TECPR1: variants seen among roughly 807,000 people sequenced by gnomAD.
TECPR1 encodes tectonin beta-propeller repeat containing 1.
Under a neutral mutation model 162.4 loss-of-function variants are expected in TECPR1, and 122 were observed. The observed-to-expected ratio is 0.75, with a 90% CI of 0.65 to 0.87. The LOEUF is 0.87. Among genes scored for constraint, TECPR1 ranks in the 40% least tolerant of loss-of-function variants. The pLI is 0.00. For missense variants in TECPR1, 1,432 were observed against 1,618.2 expected (o/e 0.88, Z 1.97); for synonymous variants, 642 against 670.6 (o/e 0.96, Z 0.66).
Position 98,246,122 on chromosome 7 carries a change from C to T in TECPR1, c.25G>A (p.Val9Met), listed in dbSNP as rs773629498. 3 of 1,551,062 alleles carry T rather than the reference C, an allele frequency of 1.9e-6. No homozygotes were observed. The highest frequency in any genetic ancestry group is 2.6e-6 in the Non-Finnish European group (3 of 1,147,990). ...GTGTACACTCTCCCGAAGAGGTCCA[C>T]CGCCCACAGCACTGAGTTGGGCATG... Reference protein sequence around the residue: MPNSVLWAVDLFGRVYTLS... With the variant: MPNSVLWAMDLFGRVYTLS... Residue 9 changes from valine to methionine, a missense_variant, in exon 3 of 26, where the codon GTG becomes ATG. Physicochemically the swap from Val to Met is conservative, Grantham distance 21. Coordinates refer to ENST00000447648, the MANE Select transcript of TECPR1 (RefSeq NM_015395.3).
At chr7:98,235,849 A>AAACAAAAAAAAAAAAC (rs1554401446) in intron 10 of TECPR1, among the ~76,000 whole-genome samples, 1 of 110,258 alleles carries the variant, frequency 9.1e-6, no homozygotes, top group Non-Finnish European at 2.1e-5. Context: ...AAAAAAAAAA[A>AAACAAAAAAAAAAAAC]AACACCATCT....
rs534455397 is a variant in TECPR1 at position 98,222,426 on chromosome 7, G to A, written c.3024C>T (p.Ser1008=). Residue 1008 remains serine, a synonymous_variant, in exon 22 of 26, where the codon TCC becomes TCT. Coordinates refer to ENST00000447648, the MANE Select transcript of TECPR1 (RefSeq NM_015395.3). ...YQVWAVARDG[S]AFYRGSVYPS... ...GGTACACGGATCCCCGGTAGAAGGC[G>A]GAGCCGTCCCTTGCCACGGCCCACA... 45 of 1,596,874 alleles carry A rather than the reference G, an allele frequency of 2.8e-5. No individual in the cohort carries two copies. The East Asian group carries it at 5.9e-4, about 21-fold the overall frequency.
At chr7:98,236,970 G>A (rs768102705) in intron 9 of TECPR1, 49 bp from the exon 10 acceptor site, 23 of 1,475,306 alleles carry the variant, frequency 1.6e-5, no homozygotes, top group Non-Finnish European at 2.0e-5. Context: ...AGGCCCGGGG[G>A]CTCTTCTCGC....
At position 98,244,606 on chromosome 7, in the gene TECPR1, A is replaced by G. The variant is rs779368094; in HGVS notation, c.496T>C (p.Tyr166His). Residue 166 changes from tyrosine (Y) to histidine (H), a missense_variant, in exon 5 of 26, where the codon TAC becomes CAC. Tyr to His is a moderately conservative substitution (Grantham distance 83). Transcript: ENST00000447648. Reference sequence around the variant, plus strand: ...ATGTCCCGGGACTTGTATCTCCTGTACCGGATCCACTTCCGGCGCCGCACA... The same window carrying G: ...ATGTCCCGGGACTTGTATCTCCTGTGCCGGATCCACTTCCGGCGCCGCACA... Reference protein sequence around the residue: ...SCVRRRKWIRYRRYKSRDIWA... With the variant: ...SCVRRRKWIRHRRYKSRDIWA... The G allele has an allele frequency of 3.1e-6, 5 of 1,612,866 alleles. No homozygotes were observed. The South Asian group carries it at 3.3e-5, about 11-fold the overall frequency.
chr7:98,222,813 C>T (rs1798176797), intron 21 of TECPR1, 177 bp downstream of exon 21: 2 of 911,542 alleles, frequency 2.2e-6, no homozygotes, highest in South Asian at 1.6e-5. Flanking sequence ...CCACCTCTGT[C>T]ACCCCCGCCC....
chr7:98,244,425 C>T (rs1416424256), intron 5 of TECPR1, 146 bp downstream of exon 5: 13 of 1,058,292 alleles, frequency 1.2e-5, no homozygotes, highest in South Asian at 6.8e-5. Context: ...GTGGTGTTCC[C>T]GGGACAGGAA....
chr7:98,235,184 A>C (rs1235300275), intron 10 of TECPR1, among the ~76,000 whole-genome samples: 1 of 152,194 alleles, frequency 6.6e-6, no homozygotes, highest in Non-Finnish European at 1.5e-5. Context: ...TGGCATCTGT[A>C]GTTTTTGAAG....
intron 10 of TECPR1, among the ~76,000 whole-genome samples, chr7:98,235,827 C>CAAAAA (rs765569294): frequency 2.7e-5 from 1 of 36,678 alleles, no homozygotes; most frequent in African/African-American, 6.8e-5. Flanking sequence ...GAGACTGTCT[C>CAAAAA]AAAAAAAAAA....
chr7:98,223,131 C>A lies in TECPR1; in HGVS notation c.2787G>T (p.Val929=). The A allele has an allele frequency of 6.2e-7, 1 of 1,604,136 alleles. No homozygotes were observed. The highest frequency in any genetic ancestry group is 8.5e-7 in the Non-Finnish European group (1 of 1,175,938). The part of the protein sequence containing the change: ...KLVTSGPWLE[V]PPIALRDVSI... ...ACACGTCCCTGAGGGCGATGGGGGGCACCTCCAGCCAGGGCCCACTGGTCA... is the reference window on the plus strand; with the variant it reads ...ACACGTCCCTGAGGGCGATGGGGGGAACCTCCAGCCAGGGCCCACTGGTCA... Residue 929 remains valine, a synonymous_variant, in exon 21 of 26, where the codon GTG becomes GTT. Transcript: ENST00000447648.
chr7:98,247,937 G>A (rs1798954798), intron 2 of TECPR1, among the ~76,000 whole-genome samples: 1 of 152,060 alleles, frequency 6.6e-6, no homozygotes, highest in Non-Finnish European at 1.5e-5. Flanking sequence ...TGTTGCCCAG[G>A]CTGGTCTTGA....
rs200379049 is a variant in TECPR1 at position 98,225,072 on chromosome 7, G to C, written c.2544C>G (p.Ser848Arg). The stretch of plus-strand genomic sequence containing the variant: ...TGCACTCCTGCAGCCCCGAGGCATC[G>C]CTCCACATGTACCGGTCCGTGGGCA... ...RGLPTDRYMW[S>R]DASGLQECTK... The change falls in exon 18 of 26, where the codon AGC (serine) becomes AGG (arginine). Residue 848 changes from serine to arginine, a missense_variant. Physicochemically the swap from Ser to Arg is moderately radical, Grantham distance 110 (BLOSUM62 -1). Coordinates refer to ENST00000447648, the MANE Select transcript of TECPR1 (RefSeq NM_015395.3). 26 of 1,569,070 alleles carry C rather than the reference G, an allele frequency of 1.7e-5. No homozygotes were observed. Among genetic ancestry groups the C allele is most frequent in the Non-Finnish European group, 2.2e-5 (25 of 1,159,422 alleles).
chr7:98,223,598 G>T, intron 20 of TECPR1, 64 bp downstream of exon 20: 2 of 1,572,444 alleles, frequency 1.3e-6, no homozygotes, highest in Non-Finnish European at 1.7e-6. Context: ...GGGAACCAGA[G>T]CTCCCTCAAG....
At chr7:98,236,049 C>T (rs893933583) in intron 10 of TECPR1, among the ~76,000 whole-genome samples, 2 of 152,120 alleles carry the variant, frequency 1.3e-5, no homozygotes, top group Non-Finnish European at 2.9e-5. Flanking sequence ...GGGCCCTGAG[C>T]GCCATCTCCA....
chr7:98,231,636 AC>A, intron 13 of TECPR1, 167 bp downstream of exon 13: 2 of 242,966 alleles, frequency 8.2e-6, no homozygotes, highest in Non-Finnish European at 1.2e-5. Flanking sequence ...TTCCCCGGGC[AC>A]CCCCATTTCT....
rs560814295 is a variant in TECPR1 at position 98,217,783 on chromosome 7, C to T, written c.3293G>A (p.Gly1098Asp). ...TGTCCCCCGGCTCAGGCTGTGGCTG[C>T]CCTGCACTTTGTTGGCGATCACCCA... ...QVWVIANKVQ[G>D]SHSLSRGTVC... The change falls in exon 25 of 26, where the codon GGC becomes GAC. Residue 1098 changes from glycine to aspartate, a missense_variant. By Grantham distance (94) the Gly-to-Asp change is moderately conservative. Transcript: ENST00000447648. The T allele has an allele frequency of 1.5e-5, 24 of 1,550,946 alleles. No individual in the cohort carries two copies. In the African/African-American group the frequency reaches 2.5e-4, roughly 16 times the overall value.
chr7:98,232,920 G>C lies in TECPR1; in HGVS notation c.1725C>G (p.Thr575=), dbSNP rs764522984. The C allele has an allele frequency of 6.2e-7, 1 of 1,612,812 alleles. No homozygotes were observed. ...MLSLSITPAQ[T]AAWRKQIFQQ... is the part of the protein sequence containing the mutation. ...GGAAGATCTGCTTCCTCCAGGCAGC[G>C]GTCTGGGCCGGCGTGATGGACAGGG... The change falls in exon 12 of 26, where the codon ACC becomes ACG. Residue 575 remains threonine (T), a synonymous_variant. Coordinates refer to ENST00000447648, the MANE Select transcript of TECPR1 (RefSeq NM_015395.3). This position sits in a 1 kb window ranked among gnomAD's most constrained non-coding sequence, Gnocchi z 4.6.
chr7:98,233,443 G>T lies in TECPR1; in HGVS notation c.1650C>A (p.Pro550=). The change falls in exon 11 of 26, where the codon CCC becomes CCA. Residue 550 remains proline, a synonymous_variant. Coordinates refer to ENST00000447648, the MANE Select transcript of TECPR1 (RefSeq NM_015395.3). Reference sequence around the variant, plus strand: ...TACCCGCCTGGACAGTGAACCATCTGGGCATGGCACATGCCTCCACCACGC... The same window carrying T: ...TACCCGCCTGGACAGTGAACCATCTTGGCATGGCACATGCCTCCACCACGC... ...GGCVVEACAM[P]RWFTVQAGLS... is the part of the protein sequence containing the mutation. 6.8e-7 allele frequency: 1 copy of T among 1,467,488 alleles called. No homozygotes were observed. The allele number at this position is 1,467,488 out of a possible 1,614,324, so 90.9% of individuals were successfully genotyped here.
chr7:98,250,440 C>T (rs1389616006), intron 2 of TECPR1, among the ~76,000 whole-genome samples: 3 of 151,764 alleles, frequency 2.0e-5, no homozygotes, highest in Non-Finnish European at 4.4e-5. Context: ...CCAGCCTAAG[C>T]AACACAGGGA....
intron 23 of TECPR1, among the ~76,000 whole-genome samples, chr7:98,221,184 C>T (rs972729568): frequency 1.2e-4 from 18 of 152,000 alleles, no homozygotes; most frequent in African/African-American, 4.3e-4. Context: ...TGTCTGTAAT[C>T]CCAGCTACTT....
Sources: allele counts gnomAD v4.1 joint callset (sites outside exome capture counted in the v4.1 genomes callset), GRCh38; gene constraint gnomAD v4.1.1; non-coding constraint Gnocchi (gnomAD v3.1); transcripts MANE v1.5; gene names NCBI Gene and HGNC (gene_info 2026-07-23, HGNC 2026-07-21).